The following CRTC2 variants were observed in gnomAD, a reference collection of about 807,000 sequenced individuals.
CRTC2 encodes the protein CREB regulated transcription coactivator 2, also known as CREB-regulated transcription coactivator 2.
CRTC2 carries 25 observed loss-of-function variants against 70.9 expected under a neutral mutation model. The ratio of observed to expected loss-of-function variants is 0.35; its 90% CI spans 0.26 to 0.49. The LOEUF (loss-of-function observed/expected upper bound fraction) is 0.49, where lower values mean the gene tolerates loss of function less well. CRTC2 is among the 20% of genes least tolerant of loss of function. The pLI is 0.98. For missense variants in CRTC2, 737 were observed against 882.6 expected (o/e 0.83, Z 2.09); for synonymous variants, 330 against 364.1 (o/e 0.91, Z 1.07).
intron 11 of CRTC2, among the ~76,000 whole-genome samples, chr1:153,949,646 C>T (rs558598944): frequency 1.3e-3 from 200 of 152,086 alleles, no homozygotes; most frequent in African/African-American, 2.0e-3. Context: ...GTCAGGAGTT[C>T]GAGACCAGCC....
intron 6 of CRTC2, 32 bp from the exon 7 acceptor site, chr1:153,952,866 G>C: frequency 6.2e-7 from 1 of 1,613,866 alleles, no homozygotes; most frequent in Non-Finnish European, 8.5e-7. Context: ...TGGCTGCAGT[G>C]CTCACTTGCC....
chr1:153,958,275 C>T, intron 1 of CRTC2, 70 bp downstream of exon 1: 1 of 1,547,346 alleles, frequency 6.5e-7, no homozygotes, highest in Non-Finnish European at 8.7e-7. Flanking sequence ...CGCCCGCCCC[C>T]GCCCCGCCTC....
At chr1:153,957,916 G>C (rs1264264387) in intron 1 of CRTC2, 1 of 531,082 alleles carries the variant, frequency 1.9e-6, no homozygotes, top group Non-Finnish European at 2.5e-6. Context: ...GCAGAAGGCA[G>C]AGGGACCAGT....
intron 1 of CRTC2, 135 bp downstream of exon 1, chr1:153,958,210 C>A: frequency 1.4e-6 from 2 of 1,437,450 alleles, no homozygotes; most frequent in Non-Finnish European, 1.8e-6. Flanking sequence ...TCAACCTGCG[C>A]CTCCCAAACG....
At position 153,955,059 on chromosome 1, in the gene CRTC2, A is replaced by G; in HGVS notation, c.255+6T>C. 6.2e-7 allele frequency: 1 copy of G among 1,613,856 alleles called. No homozygotes were observed. Among genetic ancestry groups the G allele is most frequent in the Non-Finnish European group, 8.5e-7 (1 of 1,179,820 alleles). On this transcript the variant is annotated splice_donor_region_variant and intron_variant, in intron 2 of 13. Coordinates refer to ENST00000368633, the MANE Select transcript of CRTC2 (RefSeq NM_181715.3). ...CTCCACTCCTCCCTGGCTGGGGTCT[A>G]CTCACCTGGAACTCGGCCAGGCCAG... is the stretch of plus-strand genomic sequence containing the variant.
Position 153,952,004 on chromosome 1 carries a change from G to A in CRTC2, c.997+14C>T, listed in dbSNP as rs542980300. 1.3e-4 allele frequency: 208 copies of A among 1,609,748 alleles called. 3 individuals are homozygous for A. In the South Asian group the frequency reaches 2.1e-3, roughly 16 times the overall value. On this transcript the variant is annotated intron_variant, in intron 10 of 13. Transcript: ENST00000368633. Reference sequence around the variant, plus strand: ...GCAGCACCCAGTGGGCACATGGCCAGGACAGTCACTCACCTGGTGCATCAT... The same window carrying A: ...GCAGCACCCAGTGGGCACATGGCCAAGACAGTCACTCACCTGGTGCATCAT...
chr1:153,952,092 G>C lies in CRTC2; in HGVS notation c.923C>G (p.Ser308Cys), dbSNP rs777207213. 1 of 1,614,152 alleles carries C rather than the reference G, an allele frequency of 6.2e-7. No individual in the cohort carries two copies. Among genetic ancestry groups the C allele is most frequent in the Non-Finnish European group, 8.5e-7 (1 of 1,180,016 alleles). ...GTGAGTCATGGTGTGGGTCAAATTG[G>C]AGGTACTGTTGCCCCCACTCAGGCT... The part of the protein sequence containing the change: ...YPSLSGGNST[S>C]NLTHTMTHLG... Residue 308 changes from serine to cysteine, a missense_variant, in exon 10 of 14, where the codon TCC becomes TGC. Physicochemically the swap from Ser to Cys is moderately radical, Grantham distance 112. This residue lies in a region of CRTC2 where 699 missense variants were observed against 823.7 expected (regional missense o/e 0.85). Transcript: ENST00000368633.
rs777661866 is a variant in CRTC2, at chr1:153,958,547, C to G, written c.-50G>C. The G allele has an allele frequency of 8.3e-5, 125 of 1,510,030 alleles. No homozygotes were observed. In the African/African-American group the frequency reaches 1.4e-3, roughly 17 times the overall value. 93.5% of individuals were successfully genotyped at this position (1,510,030 alleles called of 1,614,324 possible). On this transcript the variant is annotated 5_prime_UTR_variant, in exon 1 of 14. Transcript: ENST00000368633. ...ACCCTCCCAGTACCAGCCGCGGCCT[C>G]CGCCGCGGCCTCGGCCCGGCTCCTC...
At position 153,949,228 on chromosome 1, in the gene CRTC2, C is replaced by T. The variant is rs1402716944; in HGVS notation, c.1561G>A (p.Gly521Ser). 3 of 1,614,110 alleles carry T rather than the reference C, an allele frequency of 1.9e-6. No homozygotes were observed. Among genetic ancestry groups the T allele is most frequent in the Middle Eastern group, 3.3e-4 (2 of 6,062 alleles). ...GACTGCCTGCCTGGGGGCTGCCCAC[C>T]TGAGGACTGCACTGAACAAGACTGA... Reference protein sequence around the residue: ...PSQSCSVQSSGGQPPGRQSHY... With the variant: ...PSQSCSVQSSSGQPPGRQSHY... The change falls in exon 12 of 14, where the codon GGT becomes AGT. Residue 521 changes from glycine (G) to serine (S), a missense_variant. Transcript: ENST00000368633.
At chr1:153,948,847 G>A (rs1373363382) in intron 12 of CRTC2, 2 of 747,152 alleles carry the variant, frequency 2.7e-6, no homozygotes, top group South Asian at 2.9e-5. Context: ...CTGGGCCAGA[G>A]CATGTGCATG....
chr1:153,951,335 G>A lies in CRTC2; in HGVS notation c.1329C>T (p.Asp443=), dbSNP rs149725052. 4.8e-5 allele frequency: 78 copies of A among 1,613,714 alleles called. No homozygotes were observed. Among genetic ancestry groups the A allele is most frequent in the Non-Finnish European group, 6.1e-5 (72 of 1,179,918 alleles). The change falls in exon 11 of 14, where the codon GAC becomes GAT. Residue 443 remains aspartate, a synonymous_variant. Coordinates refer to ENST00000368633, the MANE Select transcript of CRTC2 (RefSeq NM_181715.3). ...SPLSLLAGPA[D]ARRSQQQLPK... The stretch of plus-strand genomic sequence containing the variant: ...GCAGCTGCTGTTGGGACCTTCTGGC[G>A]TCGGCTGGGCCCGCGAGCAAACTCA...
intron 3 of CRTC2, among the ~76,000 whole-genome samples, chr1:153,954,526 G>C (rs1680524920): frequency 6.6e-6 from 1 of 152,220 alleles, no homozygotes; most frequent in Non-Finnish European, 1.5e-5. Context: ...GTTCAGGCAG[G>C]GCTTGGAGGA....
chr1:153,948,629 T>C lies in CRTC2; in HGVS notation c.1690A>G (p.Met564Val), dbSNP rs1680152230. Reference sequence around the variant, plus strand: ...ACCAGGCTGGCTGATGGGCTCTCCATGCTGAACTGCTCCAGCTATAGACAT... The same window carrying C: ...ACCAGGCTGGCTGATGGGCTCTCCACGCTGAACTGCTCCAGCTATAGACAT... ...FNLGNLEQFSMESPSASLVLD... is the reference protein window; with the variant it reads ...FNLGNLEQFSVESPSASLVLD... The change falls in exon 13 of 14, where the codon ATG becomes GTG. Residue 564 changes from methionine (M) to valine (V), a missense_variant. By Grantham distance (21) the Met-to-Val change is conservative. Around this residue, in one of 3 missense-constraint regions of CRTC2, gnomAD observed 699 missense variants for 823.7 expected, o/e 0.85. Transcript: ENST00000368633. 1.3e-6 allele frequency: 2 copies of C among 1,586,956 alleles called. No homozygotes were observed.
intron 11 of CRTC2, 80 bp from the exon 12 acceptor site, chr1:153,949,464 T>C: frequency 2.8e-6 from 4 of 1,423,292 alleles, no homozygotes; most frequent in Non-Finnish European, 3.8e-6. Flanking sequence ...CCACCTTCTT[T>C]AGCTACAACC....
At position 153,958,480 on chromosome 1, in the gene CRTC2, C is replaced by A. The variant is rs776031547; in HGVS notation, c.18G>T (p.Ala6=). 2 of 1,610,100 alleles carry A rather than the reference C, an allele frequency of 1.2e-6. No individual in the cohort carries two copies. The highest frequency in any genetic ancestry group is 2.7e-5 in the African/African-American group (2 of 74,968). The stretch of plus-strand genomic sequence containing the variant: ...AGGCCGTGGCCGAACCAGGCCCGTT[C>A]GCCCCCGACGTCGCCATCTTCCTTC... MATSG[A]NGPGSATASA... The change falls in exon 1 of 14, where the codon GCG becomes GCT. Residue 6 remains alanine, a synonymous_variant. Coordinates refer to ENST00000368633, the MANE Select transcript of CRTC2 (RefSeq NM_181715.3).
chr1:153,958,253 C>A, intron 1 of CRTC2, 92 bp downstream of exon 1: 1 of 1,518,750 alleles, frequency 6.6e-7, no homozygotes, highest in East Asian at 2.5e-5. Flanking sequence ...TGTTCCGCCT[C>A]CTTCGCTGCG....
chr1:153,956,131 T>C (rs1262193243), intron 1 of CRTC2, among the ~76,000 whole-genome samples: 1 of 152,228 alleles, frequency 6.6e-6, no homozygotes, highest in Non-Finnish European at 1.5e-5. Flanking sequence ...ACACAAAGCC[T>C]GCACCTCCCA....
Position 153,951,156 on chromosome 1 carries a change from ATGAG to A in CRTC2, c.1404+100_1404+103del. 2.5e-6 allele frequency: 3 copies of A among 1,180,620 alleles called. No individual in the cohort carries two copies. The East Asian group carries it at 7.6e-5, about 30-fold the overall frequency. 73.1% of individuals were successfully genotyped at this position (1,180,620 alleles called of 1,614,324 possible). On this transcript the variant is annotated intron_variant, in intron 11 of 13. Transcript: ENST00000368633. Reference sequence around the variant, plus strand: ...GCGGAGGACAGAGGAATGGAAGGGGATGAGTATAGAGTAGGTATTTCAGGAAAGG... The same window carrying A: ...GCGGAGGACAGAGGAATGGAAGGGGATATAGAGTAGGTATTTCAGGAAAGG...
At position 153,952,661 on chromosome 1, in the gene CRTC2, G is replaced by A. The variant is rs113190401; in HGVS notation, c.638-26C>T. ...CTTGAAAGAGAAAGACTGGTGATGG[G>A]AGAGTTGGAGAAAGAGCCAGTAAGG... On this transcript the variant is annotated intron_variant, in intron 7 of 13. Transcript: ENST00000368633. 29 of 1,613,804 alleles carry A rather than the reference G, an allele frequency of 1.8e-5. No homozygotes were observed. In the African/African-American group the frequency reaches 2.3e-4, roughly 13 times the overall value.
Sources: allele counts gnomAD v4.1 joint callset (sites outside exome capture counted in the v4.1 genomes callset), GRCh38; gene constraint gnomAD v4.1.1; regional missense constraint gnomAD v4.1.1; transcripts MANE v1.5; gene names NCBI Gene and HGNC (gene_info 2026-07-23, HGNC 2026-07-21).